Variants in VPS53 observed in about 807,000 individuals in gnomAD.
The protein encoded by VPS53 is vacuolar protein sorting-associated protein 53 homolog.
VPS53 carries 70 observed loss-of-function variants against 107.0 expected under a neutral mutation model. The ratio of observed to expected loss-of-function variants is 0.65; its 90% CI spans 0.54 to 0.80. The LOEUF (loss-of-function observed/expected upper bound fraction) is 0.80. Among genes scored for constraint, VPS53 ranks in the 30% least tolerant of loss-of-function variants. The pLI is 0.00. For synonymous variants in VPS53, 409 were observed against 393.3 expected (o/e 1.04, Z -0.47); for missense variants, 917 against 1,049.4 (o/e 0.87, Z 1.74).
At chr17:547,015 C>G (rs1274978196) in intron 17 of VPS53, among the ~76,000 whole-genome samples, 1 of 151,784 alleles carries the variant, frequency 6.6e-6, no homozygotes, top group Non-Finnish European at 1.5e-5. Context: ...GCTGGGATTA[C>G]AGGCACGCAC....
intron 5 of VPS53, chr17:657,411 A>C: frequency 1.2e-6 from 1 of 843,054 alleles, no homozygotes; most frequent in South Asian, 1.4e-5. Flanking sequence ...CCTTAGGAAA[A>C]TGATGAGGGG....
At chr17:588,668 A>C (rs1031591637) in intron 12 of VPS53, among the ~76,000 whole-genome samples, 2 of 152,202 alleles carry the variant, frequency 1.3e-5, no homozygotes, top group Non-Finnish European at 2.9e-5. Flanking sequence ...GAATAAATAC[A>C]ATCTGCACTG....
Position 553,475 on chromosome 17 carries a change from A to G in VPS53, c.1705-13T>C. 6.3e-7 allele frequency: 1 copy of G among 1,594,784 alleles called. No homozygotes were observed. The highest frequency in any genetic ancestry group is 8.6e-7 in the Non-Finnish European group (1 of 1,163,084). On this transcript the variant is annotated splice_polypyrimidine_tract_variant and intron_variant, in intron 15 of 21. Transcript: ENST00000437048. ...GTTTTTCTTCTAGCTGTTGAAAAAC[A>G]GAAGAAATGGATGCACGGTTAATGA...
intron 14 of VPS53, among the ~76,000 whole-genome samples, chr17:561,652 C>T (rs980630242): frequency 5.3e-5 from 8 of 152,166 alleles, no homozygotes; most frequent in East Asian, 1.9e-4. Context: ...TTTTTTAGGG[C>T]GGAGTCTCCC....
intron 18 of VPS53, among the ~76,000 whole-genome samples, chr17:535,040 T>G (rs930417985): frequency 6.6e-6 from 1 of 151,980 alleles, no homozygotes; most frequent in African/African-American, 2.4e-5. Flanking sequence ...CCAAGCAATG[T>G]GCTGGGTAAC....
At chr17:553,569 A>C in intron 15 of VPS53, 107 bp from the exon 16 acceptor site, 1 of 837,214 alleles carries the variant, frequency 1.2e-6, no homozygotes, top group Non-Finnish European at 1.8e-6. Context: ...GCATAATTCC[A>C]TACACTTTTT....
In VPS53 at chr17:612,714, TCA is replaced by T. The variant is rs1393175748; in HGVS notation, c.1116+10817_1116+10818del. 2.2e-5 allele frequency among the ~76,000 whole-genome samples: 3 copies of T among 135,288 alleles called. No individual in the cohort carries two copies. In the Admixed American group the frequency reaches 2.2e-4, roughly 10 times the overall value. The allele number at this position is 135,288 out of a possible 152,430, so 88.8% of individuals were successfully genotyped here. On this transcript the variant is annotated intron_variant, in intron 11 of 21. Coordinates refer to ENST00000437048, the MANE Select transcript of VPS53 (RefSeq NM_001128159.3). ...ACACAGTGAAAACCTGTACAAATAT[TCA>T]CATAGTTCACACAGCGAAAACCTGT...
chr17:551,779 C>G, intron 17 of VPS53, 93 bp downstream of exon 17: 1 of 1,155,028 alleles, frequency 8.7e-7, no homozygotes, highest in Non-Finnish European at 1.2e-6. Flanking sequence ...CTTTACGCTC[C>G]GATGAGCCTG....
chr17:591,411 C>T (rs1967640007), intron 12 of VPS53, among the ~76,000 whole-genome samples: 1 of 151,942 alleles, frequency 6.6e-6, no homozygotes, highest in Admixed American at 6.6e-5. Context: ...TATTTCTTGC[C>T]TTCTGCTAGC....
chr17:607,426 T>C (rs984281552), intron 11 of VPS53, among the ~76,000 whole-genome samples: 1 of 152,220 alleles, frequency 6.6e-6, no homozygotes. Flanking sequence ...AAGGTGTGGA[T>C]ATGCATTCCC....
chr17:545,683 A>C lies in VPS53; in HGVS notation c.1866+6189T>G, dbSNP rs192781626. Among the ~76,000 whole-genome samples the C allele has an allele frequency of 3.7e-3, 565 of 152,324 alleles. 4 individuals are homozygous for C. Among genetic ancestry groups the C allele is most frequent in the African/African-American group, 0.013 (540 of 41,564 alleles). On this transcript the variant is annotated intron_variant, in intron 17 of 21. Coordinates refer to ENST00000437048, the MANE Select transcript of VPS53 (RefSeq NM_001128159.3). ...CCTTCAAAGTCATTCAGGGAATACTACAGTTAAGCAAGTACTGTGCCATGC... is the reference window on the plus strand; with the variant it reads ...CCTTCAAAGTCATTCAGGGAATACTCCAGTTAAGCAAGTACTGTGCCATGC...
At chr17:563,670 A>T (rs945428683) in intron 13 of VPS53, among the ~76,000 whole-genome samples, 1 of 152,198 alleles carries the variant, frequency 6.6e-6, no homozygotes, top group African/African-American at 2.4e-5. Context: ...TAAGTACAGA[A>T]AAGTTGAGTA....
At position 519,035 on chromosome 17, in the gene VPS53, G is replaced by A. The variant is rs1000104396; in HGVS notation, c.*93C>T. ...CCCAGGAAGTTTGAAGACCGACGAT[G>A]TGAGAGTGCCGGGGAGCACAGGAGA... On this transcript the variant is annotated 3_prime_UTR_variant, in exon 22 of 22. Coordinates refer to ENST00000437048, the MANE Select transcript of VPS53 (RefSeq NM_001128159.3). The surrounding 1 kb of genome is among the most constrained non-coding windows in gnomAD (Gnocchi z 5.0). 1.5e-6 allele frequency: 2 copies of A among 1,347,172 alleles called. No individual in the cohort carries two copies. The highest frequency in any genetic ancestry group is 2.0e-6 in the Non-Finnish European group (2 of 1,014,120). The allele number at this position is 1,347,172 out of a possible 1,614,324, so 83.5% of individuals were successfully genotyped here. A position where few individuals can be genotyped will look rare whatever the true frequency, so the allele number is the denominator to read the frequency against.
intron 4 of VPS53, among the ~76,000 whole-genome samples, chr17:687,872 A>G (rs1972645860): frequency 6.6e-6 from 1 of 152,238 alleles, no homozygotes. Flanking sequence ...TCACACAGAT[A>G]ACAGCAGAGA....
At chr17:631,131 A>G (rs1352868378) in intron 8 of VPS53, among the ~76,000 whole-genome samples, 2 of 152,078 alleles carry the variant, frequency 1.3e-5, no homozygotes, top group Non-Finnish European at 2.9e-5. Context: ...GCTCCTCACT[A>G]TATCACTCTG....
At chr17:611,128 C>T (rs1011984980) in intron 11 of VPS53, among the ~76,000 whole-genome samples, 3 of 152,056 alleles carry the variant, frequency 2.0e-5, no homozygotes, top group African/African-American at 7.2e-5. Flanking sequence ...ATTCTCCTGC[C>T]TCAGCCTCCC....
intron 4 of VPS53, among the ~76,000 whole-genome samples, chr17:681,189 T>G (rs1972381210): frequency 6.6e-6 from 1 of 152,216 alleles, no homozygotes; most frequent in South Asian, 2.1e-4. Context: ...CAGGCTGGAG[T>G]GCAGTGGTGC....
At chr17:592,149 T>A (rs1252200415) in intron 12 of VPS53, among the ~76,000 whole-genome samples, 2 of 152,238 alleles carry the variant, frequency 1.3e-5, no homozygotes, top group African/African-American at 4.8e-5. Context: ...AGTAATGGCC[T>A]TCTTTGTCTC....
rs200157618 is a variant in VPS53 at position 669,592 on chromosome 17, T to TAAAAAAAAAAAAAAAAAAA, written c.286-7698_286-7697insTTTTTTTTTTTTTTTTTTT. On this transcript the variant is annotated intron_variant, in intron 4 of 21. Coordinates refer to ENST00000437048, the MANE Select transcript of VPS53 (RefSeq NM_001128159.3). ...TGGGTGACAGAGACATACTCTGTCT[T>TAAAAAAAAAAAAAAAAAAA]AAAAAAAAAAAAAAAATTAGGCCAG... 1.1e-3 allele frequency among the ~76,000 whole-genome samples: 120 copies of TAAAAAAAAAAAAAAAAAAA among 110,200 alleles called. 2 individuals carry two copies. Among genetic ancestry groups the TAAAAAAAAAAAAAAAAAAA allele is most frequent in the African/African-American group, 2.8e-3 (85 of 30,074 alleles). 72.3% of individuals were successfully genotyped at this position (110,200 alleles called of 152,430 possible).
Sources: allele counts gnomAD v4.1 joint callset (sites outside exome capture counted in the v4.1 genomes callset), GRCh38; gene constraint gnomAD v4.1.1; non-coding constraint Gnocchi (gnomAD v3.1); transcripts MANE v1.5; gene names NCBI Gene and HGNC (gene_info 2026-07-23, HGNC 2026-07-21).